The following NAALADL2 variants were observed in gnomAD, a reference collection of about 807,000 sequenced individuals.
NAALADL2 encodes N-acetylated alpha-linked acidic dipeptidase like 2.
In NAALADL2, 76 loss-of-function variants were observed where a neutral mutation model predicts 87.2. The ratio of observed to expected loss-of-function variants is 0.87; its 90% CI spans 0.72 to 1.05. NAALADL2 has a LOEUF of 1.05. Among genes scored for constraint, NAALADL2 ranks in the 50% least tolerant of loss-of-function variants. The pLI, the probability that NAALADL2 is intolerant of heterozygous loss-of-function variation, is 0.00. For missense variants in NAALADL2, 1,089 were observed against 945.8 expected, an observed-to-expected ratio of 1.15 and a Z score of -1.99; for synonymous variants, 354 against 331.0, an observed-to-expected ratio of 1.07 and a Z score of -0.75.
At chr3:175,787,469 G>A (rs535146177) in intron 13 of NAALADL2, among the ~76,000 whole-genome samples, 1 of 152,176 alleles carries the variant, frequency 6.6e-6, no homozygotes, top group African/African-American at 2.4e-5. Flanking sequence ...GGAGTGACCC[G>A]ATTTTCCAGG....
chr3:174,630,493 A>C (rs576347517), intron 2 of NAALADL2, among the ~76,000 whole-genome samples: 1 of 152,266 alleles, frequency 6.6e-6, no homozygotes, highest in Admixed American at 6.5e-5. Context: ...TATTTTCCCC[A>C]TTCAAAAAAA....
chr3:174,688,582 CAAT>C (rs1728265374), intron 2 of NAALADL2, among the ~76,000 whole-genome samples: 1 of 151,802 alleles, frequency 6.6e-6, no homozygotes, highest in Non-Finnish European at 1.5e-5. Context: ...TTATTCTTCT[CAAT>C]AAAAATTTAG....
intron 4 of NAALADL2, among the ~76,000 whole-genome samples, chr3:175,306,846 CTCTATAGGACTAT>C (rs1478068297): frequency 5.3e-5 from 8 of 152,020 alleles, no homozygotes; most frequent in Non-Finnish European, 7.4e-5. Flanking sequence ...CTTAGAGATA[CTCTATAGGACTAT>C]TCTAGAATCA....
At chr3:175,580,882 CAA>C (rs1334754368) in intron 10 of NAALADL2, among the ~76,000 whole-genome samples, 1 of 151,854 alleles carries the variant, frequency 6.6e-6, no homozygotes, top group Non-Finnish European at 1.5e-5. Context: ...TCAAAAGTAC[CAA>C]AGATTCCTCA....
intron 2 of NAALADL2, among the ~76,000 whole-genome samples, chr3:174,578,863 T>A (rs1348741996): frequency 1.3e-5 from 2 of 151,936 alleles, no homozygotes; most frequent in Non-Finnish European, 2.9e-5. Flanking sequence ...ATTTAGAATG[T>A]GATAAGCCAC....
intron 1 of NAALADL2, among the ~76,000 whole-genome samples, chr3:174,486,709 G>A (rs1217742290): frequency 6.6e-6 from 1 of 151,968 alleles, no homozygotes; most frequent in South Asian, 2.1e-4. Flanking sequence ...CTCCTTACAT[G>A]CTGGGTAAGA....
intron 2 of NAALADL2, among the ~76,000 whole-genome samples, chr3:175,131,523 A>G (rs947005473): frequency 4.6e-5 from 7 of 152,172 alleles, no homozygotes; most frequent in African/African-American, 1.7e-4. Flanking sequence ...GCAAAATGAA[A>G]AGTCTCCCAT....
At chr3:174,632,857 C>T (rs1722249360) in intron 2 of NAALADL2, among the ~76,000 whole-genome samples, 1 of 146,290 alleles carries the variant, frequency 6.8e-6, no homozygotes, top group South Asian at 2.2e-4. Flanking sequence ...ATCACTTGAA[C>T]CCGGGAGGTG....
At chr3:174,905,944 A>G (rs765701519) in intron 1 of NAALADL2, among the ~76,000 whole-genome samples, 4 of 152,132 alleles carry the variant, frequency 2.6e-5, no homozygotes, top group Non-Finnish European at 5.9e-5. Context: ...ACACACAGGT[A>G]ATGTTAAGCA....
intron 9 of NAALADL2, among the ~76,000 whole-genome samples, chr3:175,501,473 T>C (rs957593709): frequency 7.0e-6 from 1 of 142,458 alleles, no homozygotes; most frequent in African/African-American, 2.7e-5. Context: ...ATTGGCTCAG[T>C]GTAGGTCAGA....
In NAALADL2 at chr3:175,385,253, T is replaced by A. The variant is rs73881487; in HGVS notation, c.1090+60928T>A. On this transcript the variant is annotated intron_variant, in intron 5 of 13. Transcript: ENST00000454872. ...AAATGATAAAACCTATTTTCATGAA[T>A]GTCTCCCAATTTACCCCAATTTTCC... is the stretch of plus-strand genomic sequence containing the variant. Among the ~76,000 whole-genome samples, 1,333 of 152,224 alleles carry A rather than the reference T, an allele frequency of 8.8e-3. 19 individuals are homozygous for A. Among genetic ancestry groups the A allele is most frequent in the African/African-American group, 0.03 (1,255 of 41,548 alleles).
chr3:175,369,884 A>T (rs1207442571), intron 5 of NAALADL2, among the ~76,000 whole-genome samples: 3 of 152,206 alleles, frequency 2.0e-5, no homozygotes, highest in South Asian at 2.1e-4. Context: ...ATTCTTTGAG[A>T]TAACAAAATC....
chr3:175,747,894 GGACA>G (rs1449580161), intron 12 of NAALADL2, among the ~76,000 whole-genome samples: 5 of 152,144 alleles, frequency 3.3e-5, no homozygotes, highest in South Asian at 4.2e-4. Flanking sequence ...TAAAATAAAT[GGACA>G]GACAATTTAG....
At chr3:174,859,919 G>A (rs1156950119) in intron 1 of NAALADL2, among the ~76,000 whole-genome samples, 2 of 151,992 alleles carry the variant, frequency 1.3e-5, no homozygotes, top group African/African-American at 4.8e-5. Flanking sequence ...CTTTTTAAAA[G>A]GTAGAAAACA....
chr3:174,589,083 C>A (rs905305121), intron 2 of NAALADL2, among the ~76,000 whole-genome samples: 5 of 152,158 alleles, frequency 3.3e-5, no homozygotes, highest in Non-Finnish European at 1.5e-5. Flanking sequence ...ATGGCGGACA[C>A]CCCTCCCCCA....
At chr3:175,298,401 A>G (rs1756639305) in intron 4 of NAALADL2, among the ~76,000 whole-genome samples, 1 of 152,190 alleles carries the variant, frequency 6.6e-6, no homozygotes, top group Non-Finnish European at 1.5e-5. Flanking sequence ...AATGAAGATC[A>G]CTTTTCAGGA....
At chr3:174,910,033 G>A (rs1470940979) in intron 1 of NAALADL2, among the ~76,000 whole-genome samples, 1 of 152,030 alleles carries the variant, frequency 6.6e-6, no homozygotes, top group Non-Finnish European at 1.5e-5. Flanking sequence ...TATTTGCAAT[G>A]CTTTCTGCAA....
chr3:175,139,931 G>A (rs533043179), intron 2 of NAALADL2, among the ~76,000 whole-genome samples: 35 of 152,084 alleles, frequency 2.3e-4, no homozygotes, highest in African/African-American at 7.7e-4. Context: ...GCGCTAATTG[G>A]GTGGTAAGGC....
At chr3:175,448,026 C>T (rs1490306113) in intron 6 of NAALADL2, among the ~76,000 whole-genome samples, 1 of 152,176 alleles carries the variant, frequency 6.6e-6, no homozygotes, top group East Asian at 1.9e-4. Flanking sequence ...AGGAACTACA[C>T]CTTGTGGGCT....
Sources: allele counts gnomAD v4.1 joint callset (sites outside exome capture counted in the v4.1 genomes callset), GRCh38; gene constraint gnomAD v4.1.1; transcripts MANE v1.5; gene names NCBI Gene and HGNC (gene_info 2026-07-23, HGNC 2026-07-21).